Variants in TMEM164 observed in about 807,000 individuals in gnomAD.
TMEM164 encodes transmembrane protein 164, also known as RP13-360B22.2.
A neutral mutation model predicts 18.8 loss-of-function variants in TMEM164; 4 were observed. The observed-to-expected ratio is 0.21, with a 90% CI of 0.10 to 0.49. The LOEUF (loss-of-function observed/expected upper bound fraction) is 0.49. Ranked by LOEUF, TMEM164 falls within the 20% of genes least tolerant of loss-of-function variation. The probability of loss-of-function intolerance (pLI) is 0.98; values close to 1 mark genes in which losing one functional copy is unlikely to be tolerated. For missense variants in TMEM164, 108 were observed against 239.9 expected, an observed-to-expected ratio of 0.45 and a Z score of 3.63; for synonymous variants, 86 against 101.7, an observed-to-expected ratio of 0.85 and a Z score of 0.93.
chrX:110,159,157 G>C (rs2067057456), intron 5 of TMEM164, among the ~76,000 whole-genome samples: 1 of 111,267 alleles, frequency 9.0e-6, no homozygotes, highest in South Asian at 3.8e-4. Context: ...CTTTGGGGAT[G>C]ATCTAGTGAG....
intron 4 of TMEM164, among the ~76,000 whole-genome samples, chrX:110,110,473 G>A (rs1169685367): frequency 4.5e-5 from 5 of 111,927 alleles, no homozygotes; most frequent in Non-Finnish European, 7.5e-5. Flanking sequence ...ACACTGATGC[G>A]CTGCCCCACC....
chrX:110,078,306 C>T (rs894317493), intron 3 of TMEM164, among the ~76,000 whole-genome samples: 2 of 111,766 alleles, frequency 1.8e-5, no homozygotes, highest in African/African-American at 6.5e-5. Flanking sequence ...TTCAATTCCA[C>T]CAGTTCTGTT....
chrX:110,149,448 T>A (rs1286291416), intron 5 of TMEM164, among the ~76,000 whole-genome samples: 1 of 112,039 alleles, frequency 8.9e-6, no homozygotes, highest in Non-Finnish European at 1.9e-5. Context: ...TGCTGTTGCA[T>A]TGGATGGTAT....
chrX:110,107,347 G>T (rs1032288444), intron 3 of TMEM164, among the ~76,000 whole-genome samples: 3 of 111,935 alleles, frequency 2.7e-5, no homozygotes, highest in Non-Finnish European at 5.6e-5. Context: ...AACAAAATGG[G>T]AAAAGTAATT....
chrX:110,130,032 A>G (rs763080082), intron 4 of TMEM164, among the ~76,000 whole-genome samples: 1 of 112,670 alleles, frequency 8.9e-6, no homozygotes, highest in East Asian at 2.8e-4. Context: ...TGTTTATAAT[A>G]GTTGGCACAT....
Position 110,157,917 on chromosome X carries a change from C to T in TMEM164, c.586+13041C>T, listed in dbSNP as rs1029841432. Among the ~76,000 whole-genome samples, 6 of 111,450 alleles carry T rather than the reference C, an allele frequency of 5.4e-5. 1 individual carries two copies. Among genetic ancestry groups the T allele is most frequent in the Admixed American group, 4.8e-4 (5 of 10,518 alleles). ...TTGATTGATTGATGAGATGGAGTCTCATCCTGCCGTCCAGGCTGGAGTGCA... is the reference window on the plus strand; with the variant it reads ...TTGATTGATTGATGAGATGGAGTCTTATCCTGCCGTCCAGGCTGGAGTGCA... On this transcript the variant is annotated intron_variant, in intron 5 of 6. Transcript: ENST00000372068.
At chrX:110,115,273 A>G (rs949224847) in intron 4 of TMEM164, among the ~76,000 whole-genome samples, 4 of 112,482 alleles carry the variant, frequency 3.6e-5, no homozygotes, top group African/African-American at 9.7e-5. Context: ...GGGCTATTTT[A>G]AAAAGTTATA....
chrX:110,181,284 A>G (rs543896164), downstream of TMEM164, among the ~76,000 whole-genome samples: 92 of 112,369 alleles, frequency 8.2e-4, 1 homozygote, highest in South Asian at 0.035. Context: ...CAAGAATAAT[A>G]CCTAAATTCA....
chrX:110,061,686 CT>C (rs754002979), intron 2 of TMEM164, among the ~76,000 whole-genome samples: 1 of 111,977 alleles, frequency 8.9e-6, no homozygotes, highest in South Asian at 3.7e-4. Context: ...TCTTATTTCC[CT>C]TTTATTCAAA....
At chrX:110,110,578 AC>A (rs1372717434) in intron 4 of TMEM164, among the ~76,000 whole-genome samples, 1 of 112,332 alleles carries the variant, frequency 8.9e-6, no homozygotes, top group East Asian at 2.8e-4. Context: ...GGAGTTGAGA[AC>A]CACTGATTTC....
At position 110,161,151 on chromosome X, in the gene TMEM164, G is replaced by A. The variant is rs2067088090; in HGVS notation, c.587-10269G>A. Among the ~76,000 whole-genome samples, 3 of 112,289 alleles carry A rather than the reference G, an allele frequency of 2.7e-5. No homozygotes were observed. In the South Asian group the frequency reaches 1.1e-3, roughly 41 times the overall value. On this transcript the variant is annotated intron_variant, in intron 5 of 6. Coordinates refer to ENST00000372068, the MANE Select transcript of TMEM164 (RefSeq NM_032227.4). ...TTTCAGCTCATCTTCTGGAGGATGA[G>A]GATTGGACCTCCTGTGCTAGTTACT...
chrX:110,158,585 A>G (rs2067049644), intron 5 of TMEM164, among the ~76,000 whole-genome samples: 1 of 112,464 alleles, frequency 8.9e-6, no homozygotes, highest in African/African-American at 3.2e-5. Flanking sequence ...GGCATCCAGT[A>G]TCTTTAGTGC....
chrX:110,183,082 A>G (rs2067329381), downstream of TMEM164, among the ~76,000 whole-genome samples: 1 of 112,283 alleles, frequency 8.9e-6, no homozygotes, highest in African/African-American at 3.2e-5. Context: ...GAGGCCGATT[A>G]GGGTGCTATT....
At chrX:110,054,662 C>T (rs1935730790) in intron 2 of TMEM164, among the ~76,000 whole-genome samples, 1 of 111,725 alleles carries the variant, frequency 9.0e-6, no homozygotes, top group Admixed American at 9.5e-5. Context: ...AGCTAGTTGG[C>T]CAGCTGCTCT....
chrX:110,040,652 A>G (rs1275748281), intron 2 of TMEM164, among the ~76,000 whole-genome samples: 1 of 111,837 alleles, frequency 8.9e-6, no homozygotes, highest in Non-Finnish European at 1.9e-5. Flanking sequence ...AAACTGAATG[A>G]ATTCTTTCCT....
intron 5 of TMEM164, among the ~76,000 whole-genome samples, chrX:110,162,853 C>T (rs1265323929): frequency 8.9e-6 from 1 of 112,104 alleles, no homozygotes; most frequent in Non-Finnish European, 1.9e-5. Context: ...ATACCATCAC[C>T]TATTTGTTAT....
intron 2 of TMEM164, among the ~76,000 whole-genome samples, chrX:110,045,476 C>T (rs1349007442): frequency 9.0e-6 from 1 of 111,400 alleles, no homozygotes; most frequent in Non-Finnish European, 1.9e-5. Context: ...TTTACTATGC[C>T]TTCTGGTCCA....
At chrX:110,162,676 G>A (rs1404031412) in intron 5 of TMEM164, among the ~76,000 whole-genome samples, 2 of 112,359 alleles carry the variant, frequency 1.8e-5, no homozygotes, top group African/African-American at 6.5e-5. Context: ...GTTGTGCCAT[G>A]CTGAGATATC....
chrX:110,125,637 G>T (rs762752879), intron 4 of TMEM164, among the ~76,000 whole-genome samples: 2 of 112,362 alleles, frequency 1.8e-5, no homozygotes, highest in South Asian at 7.3e-4. Context: ...GCCCCACCTT[G>T]TGGGGAATGG....
Sources: gnomAD v4.1 joint callset for allele counts (sites outside exome capture counted in the v4.1 genomes callset) on GRCh38, gnomAD v4.1.1 for gene constraint, MANE v1.5 for transcripts, NCBI Gene and HGNC (gene_info 2026-07-23, HGNC 2026-07-21) for gene names.